The following MALRD1 variants were observed in gnomAD, a reference collection of about 807,000 sequenced individuals.
The protein encoded by MALRD1 is MAM and LDL receptor class A domain containing 1.
Under a neutral mutation model 242.1 loss-of-function variants are expected in MALRD1, and 247 were observed. The ratio of observed to expected loss-of-function variants is 1.02; its 90% CI spans 0.92 to 1.13. The LOEUF is 1.13. Ranked by LOEUF, MALRD1 falls within the 50% of genes most tolerant of loss-of-function variation. MALRD1 has a pLI of 0.00. For missense variants in MALRD1, 2,989 were observed against 2,533.1 expected, an observed-to-expected ratio of 1.18 and a Z score of -3.86; for synonymous variants, 995 against 866.6, an observed-to-expected ratio of 1.15 and a Z score of -2.60.
intron 18 of MALRD1, among the ~76,000 whole-genome samples, chr10:19,224,772 C>A (rs1837717328): frequency 1.3e-5 from 2 of 152,062 alleles, no homozygotes; most frequent in African/African-American, 4.8e-5. Context: ...AAATTTTCTC[C>A]CACTCTGTAG....
At chr10:19,257,039 C>T (rs16918414) in intron 18 of MALRD1, among the ~76,000 whole-genome samples, 2,311 of 152,122 alleles carry the variant, frequency 0.015, 62 homozygotes, top group African/African-American at 0.053. Context: ...CCATATACTA[C>T]AGTGGTTCGT....
intron 24 of MALRD1, among the ~76,000 whole-genome samples, chr10:19,341,516 G>GTA (rs1215371249): frequency 7.5e-5 from 10 of 133,116 alleles, no homozygotes; most frequent in Non-Finnish European, 1.3e-4. Context: ...ATATATGTGT[G>GTA]TATATATGTA....
chr10:19,327,444 TC>T (rs1226099770), intron 22 of MALRD1, 118 bp from the exon 23 acceptor site: 3 of 684,498 alleles, frequency 4.4e-6, no homozygotes, highest in African/African-American at 1.8e-5. Context: ...AGCTCTTCTC[TC>T]CAGGACTTCA....
intron 36 of MALRD1, among the ~76,000 whole-genome samples, chr10:19,624,882 A>G (rs1256749284): frequency 7.5e-6 from 1 of 133,962 alleles, no homozygotes; most frequent in African/African-American, 3.3e-5. Context: ...AAAAAGGAAA[A>G]AAAAAAAAAA....
At chr10:19,561,454 T>A (rs531478220) in intron 32 of MALRD1, among the ~76,000 whole-genome samples, 50 of 152,320 alleles carry the variant, frequency 3.3e-4, no homozygotes, top group Middle Eastern at 3.4e-3. Context: ...AATTCATTAG[T>A]AAATTGGCAA....
In MALRD1 at chr10:19,204,919, A is replaced by C; in HGVS notation, c.2232A>C (p.Ser744=). 6.5e-7 allele frequency: 1 copy of C among 1,548,924 alleles called. No homozygotes were observed. The highest frequency in any genetic ancestry group is 8.7e-7 in the Non-Finnish European group (1 of 1,145,656). ...LSFWFYNYGL[S]VGAAELQLHM... is the part of the protein sequence containing the mutation. ...TTAGGTTCTATAACTATGGCCTGTCAGTGGGAGCAGCTGAGCTGCAGCTAC... is the reference window on the plus strand; with the variant it reads ...TTAGGTTCTATAACTATGGCCTGTCCGTGGGAGCAGCTGAGCTGCAGCTAC... Residue 744 remains serine, a synonymous_variant, in exon 17 of 40, where the codon TCA becomes TCC. Transcript: ENST00000454679.
chr10:19,110,538 A>G (rs548274497), intron 5 of MALRD1, among the ~76,000 whole-genome samples: 8 of 152,356 alleles, frequency 5.3e-5, no homozygotes, highest in African/African-American at 1.9e-4. Flanking sequence ...TTTCACTATT[A>G]GAAAATAACA....
intron 21 of MALRD1, among the ~76,000 whole-genome samples, chr10:19,295,681 T>C (rs1290794051): frequency 6.6e-6 from 1 of 152,132 alleles, no homozygotes; most frequent in Non-Finnish European, 1.5e-5. Flanking sequence ...AGGAAGGATC[T>C]TTCATGTGTC....
rs1554810207 is a variant in MALRD1 at position 19,204,297 on chromosome 10, T to TTA, written c.2105-11_2105-10insTA. 27 of 1,487,484 alleles carry TTA rather than the reference T, an allele frequency of 1.8e-5. No homozygotes were observed. In the African/African-American group the frequency reaches 2.6e-4, roughly 14 times the overall value. The allele number at this position is 1,487,484 out of a possible 1,614,324, so 92.1% of individuals were successfully genotyped here. A position where few individuals can be genotyped will look rare whatever the true frequency, so the allele number is the denominator to read the frequency against. ...TAATGAAGCGTTTTTTTTTTTTTTTTATCTCAACAGGGCATTTTATGTTCA... is the reference window on the plus strand; with the variant it reads ...TAATGAAGCGTTTTTTTTTTTTTTTTTAATCTCAACAGGGCATTTTATGTTCA... On this transcript the variant is annotated splice_polypyrimidine_tract_variant and intron_variant, in intron 15 of 39. Transcript: ENST00000454679.
At chr10:19,075,624 G>T (rs886329531) in intron 2 of MALRD1, among the ~76,000 whole-genome samples, 4 of 152,034 alleles carry the variant, frequency 2.6e-5, no homozygotes, top group African/African-American at 9.7e-5. Context: ...GGGATGCATG[G>T]AATTGAATTC....
chr10:19,591,834 A>G (rs1564467035), intron 33 of MALRD1, among the ~76,000 whole-genome samples: 1 of 152,226 alleles, frequency 6.6e-6, no homozygotes, highest in Admixed American at 6.5e-5. Context: ...GGCAACTTGC[A>G]TCCAAGTCAA....
chr10:19,285,504 T>C (rs1185530610), intron 21 of MALRD1, among the ~76,000 whole-genome samples: 1 of 151,906 alleles, frequency 6.6e-6, no homozygotes, highest in African/African-American at 2.4e-5. Context: ...ATTTATTAAC[T>C]AGGGAATCCT....
intron 38 of MALRD1, among the ~76,000 whole-genome samples, chr10:19,715,674 A>G (rs2131886619): frequency 6.6e-6 from 1 of 152,316 alleles, no homozygotes; most frequent in South Asian, 2.1e-4. Context: ...TAAAGAAAAG[A>G]GATTTGTTTG....
chr10:19,171,794 A>G (rs1235323369), intron 13 of MALRD1, among the ~76,000 whole-genome samples: 1 of 144,462 alleles, frequency 6.9e-6, no homozygotes, highest in Non-Finnish European at 1.5e-5. Context: ...ATATATACAT[A>G]TATGTGTATA....
At chr10:19,326,304 A>AT (rs997620935) in intron 22 of MALRD1, among the ~76,000 whole-genome samples, 7 of 152,096 alleles carry the variant, frequency 4.6e-5, no homozygotes, top group Non-Finnish European at 8.8e-5. Flanking sequence ...ATATGCTTTC[A>AT]TTTTTTCAGT....
intron 10 of MALRD1, 41 bp from the exon 11 acceptor site, chr10:19,146,157 C>T: frequency 8.1e-7 from 1 of 1,230,406 alleles, no homozygotes. Flanking sequence ...CCTGCATGCT[C>T]TTCATTTCTC....
chr10:19,234,049 G>A (rs1838196031), intron 18 of MALRD1, among the ~76,000 whole-genome samples: 1 of 151,922 alleles, frequency 6.6e-6, no homozygotes, highest in South Asian at 2.1e-4. Flanking sequence ...GCCCTGGGAA[G>A]CAACATAATA....
At chr10:19,650,034 G>A (rs1260901371) in intron 36 of MALRD1, among the ~76,000 whole-genome samples, 3 of 152,072 alleles carry the variant, frequency 2.0e-5, no homozygotes, top group Non-Finnish European at 4.4e-5. Flanking sequence ...TTAAAGGAAA[G>A]TATGATCTTA....
chr10:19,588,873 C>T (rs1837598328), intron 33 of MALRD1, among the ~76,000 whole-genome samples: 1 of 152,250 alleles, frequency 6.6e-6, no homozygotes, highest in South Asian at 2.1e-4. Context: ...GAACTGTTGA[C>T]CTCAAGTCAT....
Sources: gnomAD v4.1 joint callset for allele counts (sites outside exome capture counted in the v4.1 genomes callset) on GRCh38, gnomAD v4.1.1 for gene constraint, MANE v1.5 for transcripts, NCBI Gene and HGNC (gene_info 2026-07-23, HGNC 2026-07-21) for gene names.